Variants in ALDH1A2 observed in about 807,000 individuals in gnomAD.
ALDH1A2 encodes retinal dehydrogenase 2.
A neutral mutation model predicts 60.3 loss-of-function variants in ALDH1A2; 27 were observed. The observed-to-expected ratio is 0.45, with a 90% confidence interval of 0.33 to 0.62. ALDH1A2 has a LOEUF of 0.62. ALDH1A2 is among the 20% of genes least tolerant of loss of function. The pLI is 0.02. For missense variants in ALDH1A2, 581 were observed against 643.8 expected (o/e 0.90, Z 1.06); for synonymous variants, 289 against 232.4 (o/e 1.24, Z -2.21).
In ALDH1A2 at chr15:57,953,598, C is replaced by G. The variant is rs1157471201; in HGVS notation, c.*1599G>C. 6.5e-6 allele frequency: 1 copy of G among 152,700 alleles called. No individual in the cohort carries two copies. Among genetic ancestry groups the G allele is most frequent in the Admixed American group, 6.5e-5 (1 of 15,284 alleles). The allele number at this position is 152,700 out of a possible 1,614,324, so 9.5% of individuals were successfully genotyped here. A position where few individuals can be genotyped will look rare whatever the true frequency, so the allele number is the denominator to read the frequency against. ...GGAGGGCAGCATTCACATGGAAGCA[C>G]TCAGAAATACGGCATCTGTCAGGGC... On this transcript the variant is annotated 3_prime_UTR_variant, in exon 13 of 13. Transcript: ENST00000249750.
chr15:57,963,807 T>A (rs1185656082), intron 9 of ALDH1A2, 78 bp downstream of exon 9: 1 of 1,479,386 alleles, frequency 6.8e-7, no homozygotes, highest in African/African-American at 1.4e-5. Flanking sequence ...GTCGCTTTGC[T>A]GGGACCTACT....
Position 57,964,077 on chromosome 15 carries a change from A to T in ALDH1A2, c.902-8T>A. 6.2e-7 allele frequency: 1 copy of T among 1,613,920 alleles called. No homozygotes were observed. Among genetic ancestry groups the T allele is most frequent in the Non-Finnish European group, 8.5e-7 (1 of 1,179,970 alleles). ...GCTCCACAGCATAGTCCACTACAAG[A>T]GGAAACAGCCATGTTCTCACCGCTT... On this transcript the variant is annotated splice_polypyrimidine_tract_variant and splice_region_variant and intron_variant, in intron 8 of 12. Coordinates refer to ENST00000249750, the MANE Select transcript of ALDH1A2 (RefSeq NM_003888.4).
chr15:58,022,754 T>C (rs1253807983), intron 1 of ALDH1A2, among the ~76,000 whole-genome samples: 1 of 152,100 alleles, frequency 6.6e-6, no homozygotes, highest in Non-Finnish European at 1.5e-5. Flanking sequence ...ACTGATGTTG[T>C]TTACTGCCAA....
In ALDH1A2 at chr15:58,065,552, G is replaced by C. The variant is rs751096265; in HGVS notation, c.99C>G (p.Leu33=). 20 of 1,613,652 alleles carry C rather than the reference G, an allele frequency of 1.2e-5. No homozygotes were observed. The South Asian group carries it at 2.0e-4, about 16-fold the overall frequency. The change falls in exon 1 of 13, where the codon CTC becomes CTG. Residue 33 remains leucine, a synonymous_variant. Coordinates refer to ENST00000249750, the MANE Select transcript of ALDH1A2 (RefSeq NM_003888.4). ...CGCTTACCTTGGTGTACTTAATTTC[G>C]AGATTGGGCGTGGGCGACGGCAGGA... ...LHLLPSPTPN[L]EIKYTKIFIN... is the part of the protein sequence containing the mutation.
intron 7 of ALDH1A2, among the ~76,000 whole-genome samples, chr15:57,977,120 T>TA (rs1595629459): frequency 1.3e-5 from 2 of 151,990 alleles, no homozygotes; most frequent in Admixed American, 1.3e-4. Flanking sequence ...CTTGTAAACT[T>TA]GTTTAAGTTC....
chr15:58,065,701 GCGCGCGGTC>G lies in ALDH1A2; in HGVS notation c.-60_-52del, dbSNP rs1158694332. ...CGCGGCGTGGGGCAGTGCGGGCTGT[GCGCGCGGTC>G]CGCGGCCCGGGGGCGCGCTCGCCTG... On this transcript the variant is annotated 5_prime_UTR_variant, in exon 1 of 13. Coordinates refer to ENST00000249750, the MANE Select transcript of ALDH1A2 (RefSeq NM_003888.4). 11 of 1,344,002 alleles carry G rather than the reference GCGCGCGGTC, an allele frequency of 8.2e-6. No homozygotes were observed. In the African/African-American group the frequency reaches 1.0e-4, roughly 13 times the overall value. 83.3% of individuals were successfully genotyped at this position (1,344,002 alleles called of 1,614,324 possible). A position where few individuals can be genotyped will look rare whatever the true frequency, so the allele number is the denominator to read the frequency against.
intron 1 of ALDH1A2, among the ~76,000 whole-genome samples, chr15:58,034,432 C>T (rs1896324383): frequency 6.6e-6 from 1 of 151,608 alleles, no homozygotes; most frequent in Non-Finnish European, 1.5e-5. Flanking sequence ...TGAAAAAAGA[C>T]ATTTTTCCTT....
At chr15:57,961,659 G>A (rs1893724748) in intron 10 of ALDH1A2, among the ~76,000 whole-genome samples, 1 of 152,184 alleles carries the variant, frequency 6.6e-6, no homozygotes. Context: ...TTGCACAGAT[G>A]TAAAGATGCT....
At chr15:58,051,642 T>C (rs1470686662) in intron 1 of ALDH1A2, among the ~76,000 whole-genome samples, 2 of 152,128 alleles carry the variant, frequency 1.3e-5, no homozygotes, top group African/African-American at 4.8e-5. Context: ...AATGTCAACT[T>C]CATTTGCAGT....
At chr15:57,957,143 T>TAA (rs1596061462) in intron 12 of ALDH1A2, among the ~76,000 whole-genome samples, 1 of 152,104 alleles carries the variant, frequency 6.6e-6, no homozygotes, top group African/African-American at 2.4e-5. Flanking sequence ...ATGGAGGAGA[T>TAA]AAAGAGCACT....
intron 7 of ALDH1A2, among the ~76,000 whole-genome samples, chr15:57,968,844 A>G (rs1446508499): frequency 6.6e-6 from 1 of 152,230 alleles, no homozygotes; most frequent in Non-Finnish European, 1.5e-5. Flanking sequence ...AATGTCGGCC[A>G]GTGATTATTT....
chr15:58,001,435 T>C (rs767080743), intron 4 of ALDH1A2, among the ~76,000 whole-genome samples: 3 of 151,722 alleles, frequency 2.0e-5, no homozygotes, highest in African/African-American at 2.4e-5. Context: ...ACAGAACACA[T>C]GGAAACTTGT....
intron 1 of ALDH1A2, among the ~76,000 whole-genome samples, chr15:58,027,450 G>A (rs1406367478): frequency 6.6e-6 from 1 of 152,156 alleles, no homozygotes; most frequent in East Asian, 1.9e-4. Flanking sequence ...AGAAACCTGA[G>A]CAGAAAAGGT....
intron 1 of ALDH1A2, among the ~76,000 whole-genome samples, chr15:58,050,719 G>C (rs1384072922): frequency 6.6e-6 from 1 of 152,112 alleles, no homozygotes; most frequent in Non-Finnish European, 1.5e-5. Context: ...TTGATACACA[G>C]GTTAAGACCT....
chr15:57,964,215 C>G (rs1399488418), intron 8 of ALDH1A2, 146 bp from the exon 9 acceptor site: 16 of 731,628 alleles, frequency 2.2e-5, no homozygotes, highest in Non-Finnish European at 3.6e-5. Context: ...GGGAATGCAA[C>G]TAGTTCTAAC....
Position 58,041,505 on chromosome 15 carries a change from G to A in ALDH1A2, c.117+24029C>T, listed in dbSNP as rs1047481343. On this transcript the variant is annotated intron_variant, in intron 1 of 12. Transcript: ENST00000249750. ...CTTATTTCTCATAGTCCTGGAAGCC[G>A]GGAATTTCTAGATCAAGGCACTGGC... Among the ~76,000 whole-genome samples, 8 of 151,878 alleles carry A rather than the reference G, an allele frequency of 5.3e-5. No individual in the cohort carries two copies. In the South Asian group the frequency reaches 8.3e-4, roughly 16 times the overall value.
Position 57,961,106 on chromosome 15 carries a change from G to A in ALDH1A2, c.1409+31C>T, listed in dbSNP as rs775311276. 5.0e-6 allele frequency: 8 copies of A among 1,612,532 alleles called. No homozygotes were observed. In the Admixed American group the frequency reaches 8.3e-5, roughly 17 times the overall value. ...CACCCTGGTCCCTATACCACCAGTG[G>A]AATTTGTTACAAGACTGACTCTGAT... On this transcript the variant is annotated intron_variant, in intron 11 of 12. Transcript: ENST00000249750.
intron 7 of ALDH1A2, among the ~76,000 whole-genome samples, chr15:57,977,062 AGT>A (rs1894283582): frequency 6.7e-6 from 1 of 149,630 alleles, no homozygotes; most frequent in African/African-American, 2.5e-5. Context: ...TCTTTTGCGA[AGT>A]GTGTGTTCAT....
chr15:58,061,383 C>G (rs532594856), intron 1 of ALDH1A2, among the ~76,000 whole-genome samples: 23 of 151,806 alleles, frequency 1.5e-4, no homozygotes, highest in African/African-American at 5.3e-4. Context: ...AGATCCACAC[C>G]TATCTTTTAA....
Sources: gnomAD v4.1 joint callset for allele counts (sites outside exome capture counted in the v4.1 genomes callset) on GRCh38, gnomAD v4.1.1 for gene constraint, MANE v1.5 for transcripts, NCBI Gene and HGNC (gene_info 2026-07-23, HGNC 2026-07-21) for gene names.